Variants in SLCO6A1 observed in about 807,000 individuals in gnomAD.
SLCO6A1 encodes solute carrier organic anion transporter family member 6A1.
Under a neutral mutation model 72.7 loss-of-function variants are expected in SLCO6A1, and 65 were observed. The observed-to-expected ratio is 0.89, with a 90% CI of 0.73 to 1.10. The LOEUF is 1.10. Among genes scored for constraint, SLCO6A1 ranks in the 50% least tolerant of loss-of-function variants. SLCO6A1 has a pLI of 0.00. For synonymous variants in SLCO6A1, 314 were observed against 298.2 expected, an observed-to-expected ratio of 1.05 and a Z score of -0.55; for missense variants, 874 against 872.6, an observed-to-expected ratio of 1.00 and a Z score of -0.02.
chr5:102,395,722 T>C (rs2112536633), intron 10 of SLCO6A1, among the ~76,000 whole-genome samples: 1 of 152,320 alleles, frequency 6.6e-6, no homozygotes, highest in South Asian at 2.1e-4. Flanking sequence ...GACTTTTTAA[T>C]GATCACCATT....
chr5:102,405,611 G>T (rs1747628436), intron 9 of SLCO6A1, among the ~76,000 whole-genome samples: 1 of 151,898 alleles, frequency 6.6e-6, no homozygotes, highest in African/African-American at 2.4e-5. Flanking sequence ...GCAAGACAAA[G>T]ATATTTTAAG....
At chr5:102,420,649 A>C (rs968902118) in intron 7 of SLCO6A1, among the ~76,000 whole-genome samples, 5 of 152,138 alleles carry the variant, frequency 3.3e-5, no homozygotes, top group African/African-American at 1.2e-4. Context: ...TAGCACAGTA[A>C]ATTCATACAT....
At chr5:102,417,596 A>C (rs1477789771) in intron 8 of SLCO6A1, among the ~76,000 whole-genome samples, 1 of 152,200 alleles carries the variant, frequency 6.6e-6, no homozygotes, top group Non-Finnish European at 1.5e-5. Flanking sequence ...ATGTAAACCC[A>C]TATTACATAT....
At chr5:102,377,656 T>C (rs963785820) in intron 12 of SLCO6A1, among the ~76,000 whole-genome samples, 6 of 151,782 alleles carry the variant, frequency 4.0e-5, no homozygotes, top group African/African-American at 1.2e-4. Context: ...TCTATAGATA[T>C]AGACATAGAC....
chr5:102,468,369 AG>A (rs1311994310), intron 4 of SLCO6A1, among the ~76,000 whole-genome samples: 3 of 152,010 alleles, frequency 2.0e-5, no homozygotes, highest in Non-Finnish European at 4.4e-5. Flanking sequence ...GTATATTTTA[AG>A]TCCATTGTTT....
rs532890470 is a variant in SLCO6A1 at position 102,434,898 on chromosome 5, T to C, written c.1276+3719A>G. Among the ~76,000 whole-genome samples, 77 of 152,182 alleles carry C rather than the reference T, an allele frequency of 5.1e-4. 1 individual carries two copies. The South Asian group carries it at 0.016, about 31-fold the overall frequency. Reference sequence around the variant, plus strand: ...CAGCAATGTGCAATTACCCTGAGTGTAAAAAGAAAAAAAATTATAGCCACT... The same window carrying C: ...CAGCAATGTGCAATTACCCTGAGTGCAAAAAGAAAAAAAATTATAGCCACT... On this transcript the variant is annotated intron_variant, in intron 7 of 13. Transcript: ENST00000506729.
rs752048265 is a variant in SLCO6A1, at chr5:102,419,987, C to G, written c.1311G>C (p.Gln437His). 3 of 1,586,072 alleles carry G rather than the reference C, an allele frequency of 1.9e-6. No homozygotes were observed. The South Asian group carries it at 3.5e-5, about 19-fold the overall frequency. ...TGGAAACAATGACACCTCCCAGAAGCTGGCCAAGTGCACCTCCTGGAATTA... is the reference window on the plus strand; with the variant it reads ...TGGAAACAATGACACCTCCCAGAAGGTGGCCAAGTGCACCTCCTGGAATTA... ...LVLIPGGALGQLLGGVIVSTL... is the reference protein window; with the variant it reads ...LVLIPGGALGHLLGGVIVSTL... Residue 437 changes from glutamine (Q) to histidine (H), a missense_variant, in exon 8 of 14, where the codon CAG becomes CAC. Physicochemically the swap from Gln to His is conservative, Grantham distance 24 (BLOSUM62 0). Coordinates refer to ENST00000506729, the MANE Select transcript of SLCO6A1 (RefSeq NM_173488.5).
intron 7 of SLCO6A1, among the ~76,000 whole-genome samples, chr5:102,438,304 A>G (rs1296636007): frequency 6.6e-6 from 1 of 152,102 alleles, no homozygotes; most frequent in African/African-American, 2.4e-5. Flanking sequence ...AAATAGGTGT[A>G]TATAGACAAG....
intron 6 of SLCO6A1, among the ~76,000 whole-genome samples, chr5:102,442,455 T>C (rs1749886525): frequency 2.0e-5 from 3 of 152,238 alleles, no homozygotes. Flanking sequence ...AATGGTTTAA[T>C]ACAACTTCTG....
chr5:102,434,151 G>A (rs1749374800), intron 7 of SLCO6A1, among the ~76,000 whole-genome samples: 1 of 151,838 alleles, frequency 6.6e-6, no homozygotes, highest in Non-Finnish European at 1.5e-5. Context: ...CAGAAGCACT[G>A]ACTGCTCTTT....
At chr5:102,379,446 T>G (rs964984343) in intron 12 of SLCO6A1, among the ~76,000 whole-genome samples, 1 of 152,276 alleles carries the variant, frequency 6.6e-6, no homozygotes, top group Admixed American at 6.5e-5. Context: ...GATGTTTGTA[T>G]AAGATGTGAG....
At chr5:102,468,384 T>C (rs1751416068) in intron 4 of SLCO6A1, among the ~76,000 whole-genome samples, 1 of 152,120 alleles carries the variant, frequency 6.6e-6, no homozygotes, top group Non-Finnish European at 1.5e-5. Context: ...ATTGTTTCTT[T>C]GTTGACTTTC....
chr5:102,438,725 G>A lies in SLCO6A1; in HGVS notation c.1168C>T (p.Leu390=), dbSNP rs563133908. 2 of 1,582,762 alleles carry A rather than the reference G, an allele frequency of 1.3e-6. No homozygotes were observed. Among genetic ancestry groups the A allele is most frequent in the Non-Finnish European group, 8.6e-7 (1 of 1,167,646 alleles). ...ACTAAATATTCTGTAGCTTTTGACA[G>A]AGCTAGGCATATGAGCACTGGATTC... ...MKNPVLICLA[L]SKATEYLVII... is the part of the protein sequence containing the mutation. Residue 390 remains leucine, a synonymous_variant, in exon 7 of 14, where the codon CTG becomes TTG. Coordinates refer to ENST00000506729, the MANE Select transcript of SLCO6A1 (RefSeq NM_173488.5).
In SLCO6A1 at chr5:102,456,951, A is replaced by G. The variant is rs575147364; in HGVS notation, c.1131+1431T>C. Among the ~76,000 whole-genome samples the G allele has an allele frequency of 2.1e-3, 319 of 152,310 alleles. 2 individuals carry two copies. Among genetic ancestry groups the G allele is most frequent in the Middle Eastern group, 0.017 (5 of 294 alleles). On this transcript the variant is annotated intron_variant, in intron 6 of 13. Transcript: ENST00000506729. The stretch of plus-strand genomic sequence containing the variant: ...AGAGCCCTCAGAAATAATGCCACAT[A>G]TCTACAACCATCTGATCTTTGACAA...
intron 6 of SLCO6A1, among the ~76,000 whole-genome samples, chr5:102,449,333 A>G (rs561732446): frequency 1.3e-5 from 2 of 151,160 alleles, no homozygotes; most frequent in Non-Finnish European, 2.9e-5. Context: ...TCTGATAACT[A>G]TGTCTCTTGG....
chr5:102,377,255 T>C (rs1280090426), intron 12 of SLCO6A1, among the ~76,000 whole-genome samples: 1 of 152,132 alleles, frequency 6.6e-6, no homozygotes, highest in Non-Finnish European at 1.5e-5. Context: ...GGATAAACTG[T>C]AGCATATTCA....
At chr5:102,406,195 G>C (rs570310213) in intron 9 of SLCO6A1, among the ~76,000 whole-genome samples, 2 of 152,070 alleles carry the variant, frequency 1.3e-5, no homozygotes, top group African/African-American at 4.8e-5. Context: ...TAACAGACTG[G>C]AGAAAAGGTA....
intron 11 of SLCO6A1, among the ~76,000 whole-genome samples, chr5:102,390,011 T>C (rs1304741453): frequency 1.3e-5 from 2 of 152,158 alleles, no homozygotes; most frequent in Non-Finnish European, 2.9e-5. Flanking sequence ...CCCCAAGTGC[T>C]GGGATTACAA....
At position 102,449,856 on chromosome 5, in the gene SLCO6A1, A is replaced by C. The variant is rs528973763; in HGVS notation, c.1131+8526T>G. On this transcript the variant is annotated intron_variant, in intron 6 of 13. Transcript: ENST00000506729. ...TTTGAGGTTTTGTCCATTTTGTAAAATTCTTTTTTATTTTTGTCTGAGTTA... is the reference window on the plus strand; with the variant it reads ...TTTGAGGTTTTGTCCATTTTGTAAACTTCTTTTTTATTTTTGTCTGAGTTA... Among the ~76,000 whole-genome samples the C allele has an allele frequency of 6.6e-5, 10 of 152,260 alleles. No homozygotes were observed. In the East Asian group the frequency reaches 1.7e-3, roughly 26 times the overall value.
Sources: allele counts gnomAD v4.1 joint callset (sites outside exome capture counted in the v4.1 genomes callset), GRCh38; gene constraint gnomAD v4.1.1; transcripts MANE v1.5; gene names NCBI Gene and HGNC (gene_info 2026-07-23, HGNC 2026-07-21).